The following PRDM2 variants were observed in gnomAD, a reference collection of about 807,000 sequenced individuals.
The protein encoded by PRDM2 is PR domain zinc finger protein 2.
A neutral mutation model predicts 130.0 loss-of-function variants in PRDM2; 30 were observed. The observed-to-expected ratio is 0.23, with a 90% CI of 0.17 to 0.31. The LOEUF (loss-of-function observed/expected upper bound fraction) is 0.31, where lower values mean the gene tolerates loss of function less well. PRDM2 is among the 10% of genes least tolerant of loss of function. The probability of loss-of-function intolerance (pLI) is 1.00; values close to 1 mark genes in which losing one functional copy is unlikely to be tolerated. For missense variants in PRDM2, 2,011 were observed against 2,108.4 expected, an observed-to-expected ratio of 0.95 and a Z score of 0.90; for synonymous variants, 871 against 782.4, an observed-to-expected ratio of 1.11 and a Z score of -1.89.
intron 8 of PRDM2, among the ~76,000 whole-genome samples, chr1:13,789,820 A>G (rs1308202406): frequency 6.6e-6 from 1 of 152,254 alleles, no homozygotes; most frequent in Admixed American, 6.5e-5. Context: ...AAAGTGTTTC[A>G]AAGACCAGGC....
intron 8 of PRDM2, among the ~76,000 whole-genome samples, chr1:13,796,632 G>A (rs1366869954): frequency 6.6e-6 from 1 of 152,130 alleles, no homozygotes; most frequent in Non-Finnish European, 1.5e-5. Flanking sequence ...CACACCTGTA[G>A]TCCCAGCTAC....
intron 4 of PRDM2, among the ~76,000 whole-genome samples, chr1:13,733,120 T>G (rs937884323): frequency 6.6e-6 from 1 of 152,212 alleles, no homozygotes; most frequent in Non-Finnish European, 1.5e-5. Flanking sequence ...ATGTTTTACA[T>G]TGCCGTGTCC....
Position 13,780,450 on chromosome 1 carries a change from C to T in PRDM2, c.2655C>T (p.Thr885=), listed in dbSNP as rs759676227. The T allele has an allele frequency of 1.2e-6, 2 of 1,614,208 alleles. No homozygotes were observed. Among genetic ancestry groups the T allele is most frequent in the Admixed American group, 1.7e-5 (1 of 60,026 alleles). ...CSAVKKRKPT[T]CMLQKVLLNE... ...CTGTAAAGAAAAGGAAACCAACCAC[C>T]TGCATGCTGCAGAAGGTTCTTCTCA... The change falls in exon 8 of 10, where the codon ACC becomes ACT. Residue 885 remains threonine, a synonymous_variant. Transcript: ENST00000311066.
chr1:13,730,631 T>A (rs892630834), intron 2 of PRDM2, among the ~76,000 whole-genome samples: 1 of 152,194 alleles, frequency 6.6e-6, no homozygotes, highest in South Asian at 2.1e-4. Context: ...ATTTTTTAAA[T>A]GTGCTAAGGT....
chr1:13,711,191 C>T (rs961258492), intron 1 of PRDM2, among the ~76,000 whole-genome samples: 2 of 152,054 alleles, frequency 1.3e-5, no homozygotes, highest in African/African-American at 2.4e-5. Flanking sequence ...TTCCGTTTCA[C>T]ACGTTTGATA....
At chr1:13,807,566 AT>A (rs1328999134) in intron 8 of PRDM2, among the ~76,000 whole-genome samples, 3 of 152,194 alleles carry the variant, frequency 2.0e-5, no homozygotes, top group Non-Finnish European at 2.9e-5. Flanking sequence ...GGAATGAGAC[AT>A]TTGAACAGAA....
intron 8 of PRDM2, among the ~76,000 whole-genome samples, chr1:13,804,705 C>T (rs1428397717): frequency 3.3e-5 from 5 of 152,170 alleles, no homozygotes. Flanking sequence ...GTACCTGAAA[C>T]CAACGAAATC....
chr1:13,787,455 T>C, intron 8 of PRDM2: 1 of 985,364 alleles, frequency 1.0e-6, no homozygotes, highest in Non-Finnish European at 1.2e-6. Flanking sequence ...GCGGCTAGGT[T>C]TTATTCATAC....
chr1:13,755,427 T>A (rs915753122), intron 6 of PRDM2, among the ~76,000 whole-genome samples: 1 of 152,200 alleles, frequency 6.6e-6, no homozygotes. Context: ...TGTCCATATG[T>A]AAATTGGAAG....
intron 8 of PRDM2, among the ~76,000 whole-genome samples, chr1:13,791,690 A>T (rs756814967): frequency 1.3e-5 from 2 of 152,242 alleles, no homozygotes; most frequent in African/African-American, 2.4e-5. Context: ...TTTCTAGATT[A>T]AGAATTGAGG....
Position 13,779,084 on chromosome 1 carries a change from T to C in PRDM2, c.1289T>C (p.Leu430Pro). The stretch of plus-strand genomic sequence containing the variant: ...CAAACACTACAGCCGTCAGAGGATC[T>C]GGCTGATGGCAAAGCATCTGGAGAA... ...PSQTLQPSEDLADGKASGENV... is the reference protein window; with the variant it reads ...PSQTLQPSEDPADGKASGENV... Residue 430 changes from leucine to proline, a missense_variant, in exon 8 of 10, where the codon CTG becomes CCG. This residue lies in a region of PRDM2 where 1,288 missense variants were observed against 1,237.7 expected (regional missense o/e 1.04). Coordinates refer to ENST00000311066, the MANE Select transcript of PRDM2 (RefSeq NM_001393986.1). The surrounding 1 kb of genome is among the most constrained non-coding windows in gnomAD (Gnocchi z 4.9). 6.2e-7 allele frequency: 1 copy of C among 1,614,190 alleles called. No individual in the cohort carries two copies.
chr1:13,701,676 A>C (rs1260788745), intron 1 of PRDM2, among the ~76,000 whole-genome samples: 1 of 151,840 alleles, frequency 6.6e-6, no homozygotes, highest in Non-Finnish European at 1.5e-5. Context: ...TTTTTATTAA[A>C]CCCCCTCATT....
At chr1:13,708,552 A>C (rs1015913320) in intron 1 of PRDM2, among the ~76,000 whole-genome samples, 2 of 152,082 alleles carry the variant, frequency 1.3e-5, no homozygotes, top group East Asian at 1.9e-4. Context: ...CCACTTCGCT[A>C]TTTAGGTTTC....
Position 13,781,682 on chromosome 1 carries a change from C to T in PRDM2, c.3887C>T (p.Pro1296Leu). Reference sequence around the variant, plus strand: ...CGATTGGGCCTCAATCAGCATTACCCAAGCTTTAAACCACCTCCATTTCAG... The same window carrying T: ...CGATTGGGCCTCAATCAGCATTACCTAAGCTTTAAACCACCTCCATTTCAG... ...DVRLGLNQHY[P>L]SFKPPPFQYH... The change falls in exon 8 of 10, where the codon CCA (proline) becomes CTA (leucine). Residue 1296 changes from proline to leucine, a missense_variant. Around this residue, in one of 5 missense-constraint regions of PRDM2, gnomAD observed 229 missense variants for 364.1 expected, o/e 0.63. Transcript: ENST00000311066. The surrounding 1 kb of genome is among the most constrained non-coding windows in gnomAD (Gnocchi z 6.1). The T allele has an allele frequency of 6.2e-7, 1 of 1,614,100 alleles. No homozygotes were observed. Among genetic ancestry groups the T allele is most frequent in the Non-Finnish European group, 8.5e-7 (1 of 1,180,036 alleles).
rs1029025595 is a variant in PRDM2, at chr1:13,728,413, C to T, written c.10-2587C>T. Among the ~76,000 whole-genome samples the T allele has an allele frequency of 3.3e-5, 5 of 152,314 alleles. 1 individual carries two copies. The Middle Eastern group carries it at 0.017, about 518-fold the overall frequency. Reference sequence around the variant, plus strand: ...TTCAGAAGTCCAGCCCATGAATCTACCTTCTACTTCTCAAATCATTGATTT... The same window carrying T: ...TTCAGAAGTCCAGCCCATGAATCTATCTTCTACTTCTCAAATCATTGATTT... On this transcript the variant is annotated intron_variant, in intron 2 of 9. Transcript: ENST00000311066.
At chr1:13,791,618 C>G (rs755638190) in intron 8 of PRDM2, among the ~76,000 whole-genome samples, 1 of 152,076 alleles carries the variant, frequency 6.6e-6, no homozygotes, top group African/African-American at 2.4e-5. Context: ...TACGTTCTGC[C>G]GATACCTTAT....
At chr1:13,752,782 G>A (rs978999480) in intron 6 of PRDM2, among the ~76,000 whole-genome samples, 2 of 152,136 alleles carry the variant, frequency 1.3e-5, no homozygotes, top group East Asian at 1.9e-4. Context: ...ATGCCTGGGC[G>A]TTTACCAGGT....
chr1:13,733,771 G>C (rs553851745), intron 4 of PRDM2, among the ~76,000 whole-genome samples: 19 of 152,286 alleles, frequency 1.2e-4, no homozygotes, highest in African/African-American at 4.6e-4. Flanking sequence ...CCCCCTGGAA[G>C]CCCCCCTGAG....
chr1:13,754,015 C>G (rs967396295), intron 6 of PRDM2, among the ~76,000 whole-genome samples: 1 of 152,020 alleles, frequency 6.6e-6, no homozygotes, highest in African/African-American at 2.4e-5. Flanking sequence ...CTTGTCATGT[C>G]AGTAGTGTTT....
Sources: gnomAD v4.1 joint callset for allele counts (sites outside exome capture counted in the v4.1 genomes callset) on GRCh38, gnomAD v4.1.1 for gene constraint, gnomAD v4.1.1 regional missense constraint, Gnocchi (gnomAD v3.1) non-coding constraint, MANE v1.5 for transcripts, NCBI Gene and HGNC (gene_info 2026-07-23, HGNC 2026-07-21) for gene names.